Variants in PTK2 observed in about 807,000 individuals in gnomAD.
PTK2 encodes the protein protein tyrosine kinase 2.
PTK2 carries 45 observed loss-of-function variants against 150.1 expected under a neutral mutation model. The observed-to-expected ratio is 0.30, with a 90% confidence interval of 0.24 to 0.38. The LOEUF (loss-of-function observed/expected upper bound fraction) is 0.38, where lower values mean the gene tolerates loss of function less well. Ranked by LOEUF, PTK2 falls within the 10% of genes least tolerant of loss-of-function variation. The probability of loss-of-function intolerance (pLI) is 1.00; values close to 1 mark genes in which losing one functional copy is unlikely to be tolerated. For missense variants in PTK2, 919 were observed against 1,307.3 expected (o/e 0.70, Z 4.58); for synonymous variants, 432 against 449.2 (o/e 0.96, Z 0.48).
intron 29 of PTK2, 191 bp from the exon 33 acceptor site, chr8:140,669,926 C>A: frequency 1.6e-6 from 1 of 635,188 alleles, no homozygotes; most frequent in Non-Finnish European, 2.8e-6. Context: ...ACTGTGCCAC[C>A]TGCTCACTGC....
At chr8:140,740,496 T>C (rs1473901021) in intron 20 of PTK2, among the ~76,000 whole-genome samples, 2 of 152,252 alleles carry the variant, frequency 1.3e-5, no homozygotes, top group Non-Finnish European at 2.9e-5. Context: ...ACTATCAGAA[T>C]TCCTAGAAAG....
At chr8:140,856,000 A>G (rs960673758) in intron 5 of PTK2, among the ~76,000 whole-genome samples, 3 of 152,336 alleles carry the variant, frequency 2.0e-5, no homozygotes, top group Admixed American at 6.5e-5. Context: ...TTTACAATAC[A>G]TATTGTACAA....
chr8:140,688,286 G>A (rs1335699506), intron 26 of PTK2, among the ~76,000 whole-genome samples: 2 of 152,082 alleles, frequency 1.3e-5, no homozygotes, highest in Non-Finnish European at 2.9e-5. Flanking sequence ...CACAGTTCCT[G>A]GTTGGTGCGC....
At chr8:140,990,313 T>C (rs1260244176) in intron 1 of PTK2, among the ~76,000 whole-genome samples, 2 of 151,958 alleles carry the variant, frequency 1.3e-5, no homozygotes, top group Admixed American at 1.3e-4. Flanking sequence ...TGGCTCACTG[T>C]AGACTTGACC....
At chr8:140,795,861 T>C (rs1391052136) in intron 12 of PTK2, among the ~76,000 whole-genome samples, 1 of 152,220 alleles carries the variant, frequency 6.6e-6, no homozygotes, top group African/African-American at 2.4e-5. Flanking sequence ...ACACATGCCT[T>C]GAAATGTGCT....
chr8:140,673,720 C>T (rs997386803), intron 29 of PTK2, among the ~76,000 whole-genome samples: 3 of 152,104 alleles, frequency 2.0e-5, no homozygotes, highest in African/African-American at 7.2e-5. Context: ...GCCAACAGTT[C>T]CAGCTGGCAC....
chr8:140,713,373 G>A (rs185411804), intron 23 of PTK2, among the ~76,000 whole-genome samples: 138 of 152,296 alleles, frequency 9.1e-4, no homozygotes, highest in Non-Finnish European at 1.6e-3. Flanking sequence ...TGATTCTTGT[G>A]CCTCAGCCTC....
At chr8:140,681,396 A>G (rs10107509) in intron 27 of PTK2, among the ~76,000 whole-genome samples, 1,889 of 151,544 alleles carry the variant, frequency 0.012, 44 homozygotes, top group African/African-American at 0.044. Context: ...TAATAACCTA[A>G]CATCACGCCC....
At chr8:140,886,486 A>G (rs1356783643) in intron 3 of PTK2, among the ~76,000 whole-genome samples, 1 of 152,180 alleles carries the variant, frequency 6.6e-6, no homozygotes, top group Non-Finnish European at 1.5e-5. Flanking sequence ...GGATTAAATC[A>G]TGGTGGTAGA....
intron 2 of PTK2, chr8:140,892,567 C>A: frequency 4.5e-6 from 2 of 445,426 alleles, no homozygotes; most frequent in Non-Finnish European, 8.7e-6. Flanking sequence ...AAGAAAAGAG[C>A]CAACCCTCTG....
At chr8:140,879,576 C>A (rs567773573) in exon 4 of PTK2, 1 of 1,555,938 alleles carries the variant, frequency 6.4e-7, no homozygotes. Context: ...GTGACTGAGG[C>A]GGAATCCATA....
intron 26 of PTK2, among the ~76,000 whole-genome samples, chr8:140,699,540 GTCC>G (rs2100028947): frequency 6.6e-6 from 1 of 152,236 alleles, no homozygotes; most frequent in East Asian, 1.9e-4. Flanking sequence ...CCATGCATAT[GTCC>G]AGACACATCC....
intron 27 of PTK2, among the ~76,000 whole-genome samples, chr8:140,678,200 C>T (rs1051910691): frequency 6.6e-6 from 1 of 152,234 alleles, no homozygotes; most frequent in Non-Finnish European, 1.5e-5. Context: ...ACGCCCGCCA[C>T]GATGCCTGGC....
chr8:140,790,752 T>C (rs2100087941), intron 13 of PTK2, among the ~76,000 whole-genome samples: 1 of 152,248 alleles, frequency 6.6e-6, no homozygotes, highest in African/African-American at 2.4e-5. Context: ...TTTATATCTT[T>C]AGTATAAAAA....
intron 4 of PTK2, among the ~76,000 whole-genome samples, chr8:140,874,774 T>G (rs913347233): frequency 1.4e-4 from 22 of 152,308 alleles, no homozygotes; most frequent in African/African-American, 5.1e-4. Flanking sequence ...GGTAATACTG[T>G]TATTAACTTA....
At chr8:140,878,155 G>A (rs763734801) in intron 4 of PTK2, among the ~76,000 whole-genome samples, 2 of 152,212 alleles carry the variant, frequency 1.3e-5, no homozygotes, top group Non-Finnish European at 2.9e-5. Flanking sequence ...ATAGTTGGAA[G>A]TCAAATCTTC....
At chr8:140,947,600 C>T (rs545188301) in intron 1 of PTK2, among the ~76,000 whole-genome samples, 3 of 151,838 alleles carry the variant, frequency 2.0e-5, no homozygotes, top group Non-Finnish European at 4.4e-5. Flanking sequence ...CCTGTGAAGA[C>T]TTCAATGAAA....
intron 2 of PTK2, among the ~76,000 whole-genome samples, chr8:140,915,784 C>G (rs559316472): frequency 1.3e-5 from 2 of 151,972 alleles, no homozygotes; most frequent in African/African-American, 4.8e-5. Flanking sequence ...TTCCTGTAAT[C>G]CCAGCTACTT....
chr8:140,979,312 AAAAC>A (rs1169818151), intron 1 of PTK2, among the ~76,000 whole-genome samples: 1 of 152,050 alleles, frequency 6.6e-6, no homozygotes, highest in African/African-American at 2.4e-5. Context: ...ACAGGTAAAA[AAAAC>A]AAACCACAAA....
Sources: allele counts gnomAD v4.1 joint callset (sites outside exome capture counted in the v4.1 genomes callset), GRCh38; gene constraint gnomAD v4.1.1; transcripts MANE v1.5; gene names NCBI Gene and HGNC (gene_info 2026-07-23, HGNC 2026-07-21).